The following NIN variants were observed in gnomAD, a reference collection of about 807,000 sequenced individuals.
NIN encodes the protein ninein.
Under a neutral mutation model 257.6 loss-of-function variants are expected in NIN, and 137 were observed. The observed-to-expected ratio is 0.53, with a 90% confidence interval of 0.46 to 0.61. NIN has a LOEUF of 0.61. Among genes scored for constraint, NIN ranks in the 20% least tolerant of loss-of-function variants. The probability of loss-of-function intolerance (pLI) is 0.00; values close to 1 mark genes in which losing one functional copy is unlikely to be tolerated. For synonymous variants in NIN, 918 were observed against 919.8 expected (o/e 1.00, Z 0.04); for missense variants, 2,439 against 2,501.2 (o/e 0.98, Z 0.53).
Position 50,763,809 on chromosome 14 carries a change from T to C in NIN, c.1774+17A>G. ...AAGAGTAAAGGCTTTATCTACAGCCTGTCCGAATGTGTTTACCGTGTTCGG... is the reference window on the plus strand; with the variant it reads ...AAGAGTAAAGGCTTTATCTACAGCCCGTCCGAATGTGTTTACCGTGTTCGG... On this transcript the variant is annotated intron_variant, in intron 15 of 30. Coordinates refer to ENST00000530997, the MANE Select transcript of NIN (RefSeq NM_020921.4). 6.2e-7 allele frequency: 1 copy of C among 1,611,716 alleles called. No individual in the cohort carries two copies. The highest frequency in any genetic ancestry group is 1.1e-5 in the South Asian group (1 of 90,934).
At chr14:50,749,005 C>T (rs552473898) in intron 21 of NIN, among the ~76,000 whole-genome samples, 24 of 152,292 alleles carry the variant, frequency 1.6e-4, no homozygotes, top group African/African-American at 3.8e-4. Flanking sequence ...ATAACCAAGA[C>T]AATCCTAAGC....
At chr14:50,737,633 G>GT (rs1297035320) in intron 27 of NIN, among the ~76,000 whole-genome samples, 2 of 141,624 alleles carry the variant, frequency 1.4e-5, no homozygotes, top group Non-Finnish European at 3.0e-5. Flanking sequence ...TTAAATTGTG[G>GT]TTTTTTGTTG....
chr14:50,783,925 C>T (rs112441960), intron 5 of NIN, among the ~76,000 whole-genome samples: 41 of 150,970 alleles, frequency 2.7e-4, no homozygotes, highest in African/African-American at 1.0e-3. Flanking sequence ...ACTAGAAGGA[C>T]GATTATCACA....
intron 28 of NIN, among the ~76,000 whole-genome samples, chr14:50,731,168 T>A (rs2040675960): frequency 6.6e-6 from 1 of 152,226 alleles, no homozygotes; most frequent in Non-Finnish European, 1.5e-5. Flanking sequence ...CTTACAACTC[T>A]AATTCTACAA....
chr14:50,800,279 T>G (rs1025610736), intron 4 of NIN, among the ~76,000 whole-genome samples: 1 of 152,218 alleles, frequency 6.6e-6, no homozygotes, highest in Non-Finnish European at 1.5e-5. Flanking sequence ...CTTCACTTGC[T>G]TTATACAGGC....
rs2041447817 is a variant in NIN, at chr14:50,744,493, A to C, written c.5065-128T>G. The C allele has an allele frequency of 7.3e-5, 69 of 948,024 alleles. No homozygotes were observed. In the South Asian group the frequency reaches 9.9e-4, roughly 14 times the overall value. 58.7% of individuals were successfully genotyped at this position (948,024 alleles called of 1,614,324 possible). Reference sequence around the variant, plus strand: ...ATCTGTGGATATTTCAGAGGACATAAACTCTAGCAGAGACTATAATAAACT... The same window carrying C: ...ATCTGTGGATATTTCAGAGGACATACACTCTAGCAGAGACTATAATAAACT... On this transcript the variant is annotated intron_variant, in intron 22 of 30. Coordinates refer to ENST00000530997, the MANE Select transcript of NIN (RefSeq NM_020921.4).
chr14:50,754,730 T>A lies in NIN; in HGVS notation c.4664+12A>T, dbSNP rs373389648. 3.3e-4 allele frequency: 520 copies of A among 1,583,270 alleles called. No individual in the cohort carries two copies. Among genetic ancestry groups the A allele is most frequent in the Non-Finnish European group, 4.1e-4 (473 of 1,162,766 alleles). On this transcript the variant is annotated intron_variant, in intron 19 of 30. Coordinates refer to ENST00000530997, the MANE Select transcript of NIN (RefSeq NM_020921.4). Reference sequence around the variant, plus strand: ...CAAAAATGTCTTAGGAAAATGTAAGTATACGTCTTACCACATTTCTTCCTG... The same window carrying A: ...CAAAAATGTCTTAGGAAAATGTAAGAATACGTCTTACCACATTTCTTCCTG...
chr14:50,731,085 T>C, intron 28 of NIN: 1 of 435,068 alleles, frequency 2.3e-6, no homozygotes, highest in South Asian at 1.8e-5. Context: ...ACTAATTAGG[T>C]CTATTATATA....
intron 5 of NIN, among the ~76,000 whole-genome samples, chr14:50,779,159 T>C (rs1416179912): frequency 1.3e-5 from 2 of 152,232 alleles, no homozygotes; most frequent in Non-Finnish European, 2.9e-5. Context: ...ATTTATGAAT[T>C]TATTCTTCAA....
intron 4 of NIN, among the ~76,000 whole-genome samples, chr14:50,798,073 T>C (rs773257027): frequency 6.6e-6 from 1 of 152,292 alleles, no homozygotes; most frequent in South Asian, 2.1e-4. Flanking sequence ...CTTTCTGACA[T>C]GATCTGCCTT....
chr14:50,731,485 C>A (rs767841860), intron 28 of NIN, among the ~76,000 whole-genome samples: 5 of 140,938 alleles, frequency 3.5e-5, no homozygotes, highest in Non-Finnish European at 6.0e-5. Context: ...GAGCCAAGAT[C>A]ACACCAATGC....
At chr14:50,769,461 T>C (rs1251099046) in intron 12 of NIN, among the ~76,000 whole-genome samples, 4 of 151,762 alleles carry the variant, frequency 2.6e-5, no homozygotes, top group African/African-American at 9.7e-5. Context: ...CAGGGTTTGA[T>C]ACCAGCCTAG....
At chr14:50,728,182 A>C (rs971495000) in intron 29 of NIN, among the ~76,000 whole-genome samples, 10 of 152,232 alleles carry the variant, frequency 6.6e-5, no homozygotes, top group African/African-American at 2.2e-4. Context: ...GTAAGAGAGC[A>C]ATGAGAAGAA....
chr14:50,818,018 G>T (rs34721499), intron 3 of NIN, among the ~76,000 whole-genome samples: 41,300 of 150,420 alleles, frequency 0.27, 6,109 homozygotes, highest in African/African-American at 0.37. Context: ...GCCTGGCCAA[G>T]AATGCATTTT....
rs547897646 is a variant in NIN at position 50,818,879 on chromosome 14, T to A, written c.183+2995A>T. On this transcript the variant is annotated intron_variant, in intron 3 of 30. Transcript: ENST00000530997. ...GATTTAAGTTACTTTCATTAACAAC[T>A]ATTAAACATTAGGCCTCAAAAAAAA... is the stretch of plus-strand genomic sequence containing the variant. Among the ~76,000 whole-genome samples, 61 of 118,670 alleles carry A rather than the reference T, an allele frequency of 5.1e-4. 1 individual carries two copies. The Middle Eastern group carries it at 0.026, about 51-fold the overall frequency. 77.9% of individuals were successfully genotyped at this position (118,670 alleles called of 152,430 possible). A position where few individuals can be genotyped will look rare whatever the true frequency, so the allele number is the denominator to read the frequency against.
chr14:50,724,611 A>G (rs1438054411), intron 30 of NIN, among the ~76,000 whole-genome samples: 1 of 152,122 alleles, frequency 6.6e-6, no homozygotes, highest in Non-Finnish European at 1.5e-5. Flanking sequence ...ATAAAAATCA[A>G]GCTTCTTTCT....
At chr14:50,797,342 A>G (rs2043885359) in intron 4 of NIN, among the ~76,000 whole-genome samples, 1 of 152,170 alleles carries the variant, frequency 6.6e-6, no homozygotes, top group South Asian at 2.1e-4. Flanking sequence ...CTCGCATAGG[A>G]CTTTGCTTTC....
intron 3 of NIN, 101 bp from the exon 4 acceptor site, chr14:50,806,919 C>G (rs113560806): frequency 5.6e-5 from 31 of 550,518 alleles, no homozygotes; most frequent in Middle Eastern, 9.3e-4. Context: ...TCCTGACAGC[C>G]TTGAAGTGAG....
intron 2 of NIN, among the ~76,000 whole-genome samples, chr14:50,824,925 G>A (rs1229247522): frequency 6.6e-6 from 1 of 152,220 alleles, no homozygotes; most frequent in Admixed American, 6.5e-5. Context: ...AGCGCTGTCT[G>A]AAGTTTAATT....
Sources: allele counts gnomAD v4.1 joint callset (sites outside exome capture counted in the v4.1 genomes callset), GRCh38; gene constraint gnomAD v4.1.1; transcripts MANE v1.5; gene names NCBI Gene and HGNC (gene_info 2026-07-23, HGNC 2026-07-21).